The following KCNMB2 variants were observed in gnomAD, a reference collection of about 807,000 sequenced individuals.
KCNMB2 encodes the protein potassium calcium-activated channel subfamily M regulatory beta subunit 2.
In KCNMB2, 9 loss-of-function variants were observed where a neutral mutation model predicts 24.5. That is an observed-to-expected ratio of 0.37 (90% CI 0.22 to 0.64). KCNMB2 has a LOEUF of 0.64. KCNMB2 is among the 30% of genes least tolerant of loss of function. KCNMB2 has a pLI of 0.63. For synonymous variants in KCNMB2, 109 were observed against 104.4 expected (o/e 1.04, Z -0.27); for missense variants, 226 against 284.3 (o/e 0.79, Z 1.47).
At chr3:178,742,003 T>C (rs781365191) in intron 1 of KCNMB2, among the ~76,000 whole-genome samples, 9 of 152,212 alleles carry the variant, frequency 5.9e-5, no homozygotes, top group Non-Finnish European at 1.3e-4. Context: ...TTCTTAACTA[T>C]TACAGATGCA....
At chr3:178,647,564 A>G (rs1449429020) in intron 1 of KCNMB2, among the ~76,000 whole-genome samples, 20 of 152,232 alleles carry the variant, frequency 1.3e-4, no homozygotes, top group Non-Finnish European at 1.5e-5. Context: ...TATCATCTAT[A>G]AAATGCAAAT....
rs114919583 is a variant in KCNMB2, at chr3:178,570,151, T to G, written c.-68+33440T>G. Among the ~76,000 whole-genome samples the G allele has an allele frequency of 9.4e-3, 1,429 of 152,302 alleles. 19 individuals are homozygous for G. Among genetic ancestry groups the G allele is most frequent in the African/African-American group, 0.03 (1,254 of 41,564 alleles). ...AGAATGAAGTAGTTTGTTTTCAATA[T>G]TCCCCAATATCTTTGTAGTGCCTTA... On this transcript the variant is annotated intron_variant, in intron 1 of 4. Transcript: ENST00000452583.
At chr3:178,558,770 T>C (rs957937863) in intron 1 of KCNMB2, 5 of 152,206 alleles carry the variant, frequency 3.3e-5, no homozygotes, top group Non-Finnish European at 5.9e-5. Context: ...CCTTGCATGG[T>C]TGACTGCTCT....
chr3:178,793,623 A>C (rs970379736), intron 1 of KCNMB2, among the ~76,000 whole-genome samples: 4 of 152,130 alleles, frequency 2.6e-5, no homozygotes, highest in African/African-American at 9.7e-5. Context: ...GCACCACGGC[A>C]TGAAATGGAG....
intron 1 of KCNMB2, among the ~76,000 whole-genome samples, chr3:178,619,821 G>A (rs1185715916): frequency 2.0e-5 from 3 of 152,030 alleles, no homozygotes; most frequent in African/African-American, 7.2e-5. Context: ...GTTTCTTGTG[G>A]GCAGAATAAT....
At chr3:178,718,932 G>T (rs1050155183) in intron 1 of KCNMB2, among the ~76,000 whole-genome samples, 1 of 152,148 alleles carries the variant, frequency 6.6e-6, no homozygotes, top group Non-Finnish European at 1.5e-5. Flanking sequence ...CACAGAAGCA[G>T]CCAGAAGACC....
intron 1 of KCNMB2, among the ~76,000 whole-genome samples, chr3:178,661,743 A>C (rs1720537000): frequency 6.6e-6 from 1 of 152,144 alleles, no homozygotes; most frequent in South Asian, 2.1e-4. Flanking sequence ...TCCCGCCCCA[A>C]ATCTACTGAA....
At chr3:178,567,895 A>C (rs1577015500) in intron 1 of KCNMB2, among the ~76,000 whole-genome samples, 1 of 152,230 alleles carries the variant, frequency 6.6e-6, no homozygotes, top group South Asian at 2.1e-4. Context: ...TGCTCCCTTA[A>C]ATAAAGATTC....
intron 1 of KCNMB2, among the ~76,000 whole-genome samples, chr3:178,689,754 T>C (rs935650842): frequency 3.9e-5 from 6 of 152,184 alleles, no homozygotes; most frequent in Admixed American, 1.3e-4. Context: ...AGACCTTGCA[T>C]GGATAGGACT....
chr3:178,613,802 C>T lies in KCNMB2; in HGVS notation c.-68+77091C>T, dbSNP rs372178131. The stretch of plus-strand genomic sequence containing the variant: ...TGATTATTAAATGCCTTGAGGTAGT[C>T]TTCTTTGGGTTAAATCTGCTTGGTT... On this transcript the variant is annotated intron_variant, in intron 1 of 4. Transcript: ENST00000452583. 2.8e-4 allele frequency among the ~76,000 whole-genome samples: 43 copies of T among 152,146 alleles called. 1 individual carries two copies. In the South Asian group the frequency reaches 8.7e-3, roughly 31 times the overall value.
chr3:178,715,463 A>ATTCC (rs1407657369), intron 1 of KCNMB2, among the ~76,000 whole-genome samples: 1 of 151,300 alleles, frequency 6.6e-6, no homozygotes, highest in African/African-American at 2.4e-5. Flanking sequence ...TACATGAGCC[A>ATTCC]TTCCTCTGAA....
chr3:178,693,160 G>C (rs1721747516), intron 1 of KCNMB2, among the ~76,000 whole-genome samples: 1 of 152,144 alleles, frequency 6.6e-6, no homozygotes, highest in Admixed American at 6.5e-5. Context: ...CTGAGACTAT[G>C]GGGTTTTCTA....
rs868167694 is a variant in KCNMB2, at chr3:178,758,552, C to A, written c.-67-48791C>A. Among the ~76,000 whole-genome samples, 107 of 15,720 alleles carry A rather than the reference C, an allele frequency of 6.8e-3. 1 individual carries two copies. The highest frequency in any genetic ancestry group is 0.05 in the Middle Eastern group (1 of 20). 10.3% of individuals were successfully genotyped at this position (15,720 alleles called of 152,430 possible). A position where few individuals can be genotyped will look rare whatever the true frequency, so the allele number is the denominator to read the frequency against. On this transcript the variant is annotated intron_variant, in intron 1 of 4. Transcript: ENST00000452583. ...TATATATATATATATATATATATAT[C>A]CAAGAGGAGATATATATATATATAT...
intron 1 of KCNMB2, among the ~76,000 whole-genome samples, chr3:178,725,680 T>A (rs1046836947): frequency 1.3e-5 from 2 of 152,062 alleles, no homozygotes; most frequent in African/African-American, 4.8e-5. Context: ...CTTAGTGAAT[T>A]TCCCATTTGC....
chr3:178,698,384 A>G (rs1281699556), intron 1 of KCNMB2, among the ~76,000 whole-genome samples: 1 of 152,162 alleles, frequency 6.6e-6, no homozygotes. Flanking sequence ...TCACGCTATG[A>G]GAGTGTTTCC....
intron 1 of KCNMB2, among the ~76,000 whole-genome samples, chr3:178,726,531 T>G (rs1164324756): frequency 1.3e-5 from 2 of 151,734 alleles, no homozygotes; most frequent in Non-Finnish European, 2.9e-5. Flanking sequence ...CCTTCGTTCC[T>G]GAAGAATATT....
At chr3:178,553,691 T>A (rs1716032213) in intron 1 of KCNMB2, among the ~76,000 whole-genome samples, 1 of 152,004 alleles carries the variant, frequency 6.6e-6, no homozygotes, top group Non-Finnish European at 1.5e-5. Flanking sequence ...GCGCGCATGC[T>A]ATCACACCCA....
At chr3:178,735,632 G>T (rs1308398776) in intron 1 of KCNMB2, among the ~76,000 whole-genome samples, 1 of 152,188 alleles carries the variant, frequency 6.6e-6, no homozygotes, top group Admixed American at 6.5e-5. Context: ...TATCTAAAGT[G>T]GAGGTAAGCT....
chr3:178,570,431 T>C (rs1192977710), intron 1 of KCNMB2, among the ~76,000 whole-genome samples: 1 of 151,302 alleles, frequency 6.6e-6, no homozygotes, highest in African/African-American at 2.4e-5. Context: ...CTTACCTCAT[T>C]AAAATGAACC....
Sources: allele counts gnomAD v4.1 joint callset (sites outside exome capture counted in the v4.1 genomes callset), GRCh38; gene constraint gnomAD v4.1.1; transcripts MANE v1.5; gene names NCBI Gene and HGNC (gene_info 2026-07-23, HGNC 2026-07-21).